Variants in ACSS3 observed in about 807,000 individuals in gnomAD.
ACSS3 encodes acyl-CoA synthetase short-chain family member 3, mitochondrial.
In ACSS3, 64 loss-of-function variants were observed where a neutral mutation model predicts 84.2. The observed-to-expected ratio is 0.76, with a 90% CI of 0.62 to 0.94. The LOEUF is 0.94. Ranked by LOEUF, ACSS3 falls within the 40% of genes least tolerant of loss-of-function variation. The pLI is 0.00. For missense variants in ACSS3, 815 were observed against 867.6 expected, an observed-to-expected ratio of 0.94 and a Z score of 0.76; for synonymous variants, 317 against 310.1, an observed-to-expected ratio of 1.02 and a Z score of -0.23.
chr12:81,204,610 G>A (rs745631610), intron 9 of ACSS3, among the ~76,000 whole-genome samples: 3 of 152,094 alleles, frequency 2.0e-5, no homozygotes, highest in African/African-American at 4.8e-5. Context: ...TACAAAGATA[G>A]AATACTCAAA....
chr12:81,205,085 A>G (rs2032288328), intron 9 of ACSS3, among the ~76,000 whole-genome samples: 1 of 152,126 alleles, frequency 6.6e-6, no homozygotes, highest in South Asian at 2.1e-4. Flanking sequence ...TTTTAATTGT[A>G]ACTGCAGTTC....
At chr12:81,123,605 C>T (rs1593089447) in intron 2 of ACSS3, among the ~76,000 whole-genome samples, 1 of 150,694 alleles carries the variant, frequency 6.6e-6, no homozygotes, top group Non-Finnish European at 1.5e-5. Flanking sequence ...TCAGTTCTCA[C>T]CCCCCTCTCA....
At position 81,212,010 on chromosome 12, in the gene ACSS3, A is replaced by T. The variant is rs370257292; in HGVS notation, c.1355-4891A>T. On this transcript the variant is annotated intron_variant, in intron 9 of 15. Transcript: ENST00000548058. ...CCTTCTCTTATATTCTTTTCCCCTA[A>T]ATATCTATGTGTCACATGTCTTCTC... is the stretch of plus-strand genomic sequence containing the variant. 9.9e-5 allele frequency among the ~76,000 whole-genome samples: 15 copies of T among 152,132 alleles called. 1 individual carries two copies. The highest frequency in any genetic ancestry group is 3.4e-4 in the African/African-American group (14 of 41,498).
intron 5 of ACSS3, among the ~76,000 whole-genome samples, chr12:81,144,168 G>A (rs1456416696): frequency 6.6e-6 from 1 of 151,764 alleles, no homozygotes; most frequent in Non-Finnish European, 1.5e-5. Context: ...TTTTTAAAAG[G>A]AAATTTAAGA....
intron 13 of ACSS3, among the ~76,000 whole-genome samples, chr12:81,248,618 T>C (rs1565743866): frequency 6.6e-6 from 1 of 151,912 alleles, no homozygotes; most frequent in Non-Finnish European, 1.5e-5. Context: ...AACAGTTAGA[T>C]AGAAGGAATA....
chr12:81,234,449 G>A (rs2033565804), intron 13 of ACSS3, among the ~76,000 whole-genome samples: 1 of 151,318 alleles, frequency 6.6e-6, no homozygotes, highest in South Asian at 2.1e-4. Context: ...TTAAGTGTAT[G>A]TTTAAGGTTA....
chr12:81,119,276 T>C (rs1415914432), intron 2 of ACSS3, among the ~76,000 whole-genome samples: 1 of 151,946 alleles, frequency 6.6e-6, no homozygotes, highest in African/African-American at 2.4e-5. Flanking sequence ...CTAATAAAGA[T>C]CACAAGGCAA....
chr12:81,142,393 C>T (rs1218623798), intron 4 of ACSS3, among the ~76,000 whole-genome samples: 1 of 152,200 alleles, frequency 6.6e-6, no homozygotes, highest in African/African-American at 2.4e-5. Context: ...TTTCACCCAT[C>T]TGGCCATTTC....
At chr12:81,154,501 A>G (rs1216997755) in intron 7 of ACSS3, among the ~76,000 whole-genome samples, 1 of 152,240 alleles carries the variant, frequency 6.6e-6, no homozygotes, top group African/African-American at 2.4e-5. Context: ...TCTACAACTT[A>G]TAAATGTCTT....
At chr12:81,149,909 G>GT (rs1423173776) in intron 5 of ACSS3, among the ~76,000 whole-genome samples, 1 of 152,076 alleles carries the variant, frequency 6.6e-6, no homozygotes, top group Non-Finnish European at 1.5e-5. Flanking sequence ...TTTCACGCAT[G>GT]TTCTCATTTT....
At chr12:81,218,523 A>AT (rs937170785) in intron 10 of ACSS3, among the ~76,000 whole-genome samples, 18 of 150,262 alleles carry the variant, frequency 1.2e-4, no homozygotes, top group South Asian at 4.2e-4. Flanking sequence ...GATACTTCAG[A>AT]TTTTTTTTTT....
intron 1 of ACSS3, among the ~76,000 whole-genome samples, chr12:81,103,976 A>G (rs919073974): frequency 6.6e-6 from 1 of 152,190 alleles, no homozygotes; most frequent in African/African-American, 2.4e-5. Flanking sequence ...TTGTTAACAT[A>G]TATGATATGA....
chr12:81,159,109 G>GGACT (rs1887024709), intron 7 of ACSS3, among the ~76,000 whole-genome samples: 1 of 151,968 alleles, frequency 6.6e-6, no homozygotes. Context: ...TTTTACAACA[G>GGACT]GACTGCATGA....
At chr12:81,253,210 T>G in intron 13 of ACSS3, 97 bp from the exon 14 acceptor site, 2 of 1,272,674 alleles carry the variant, frequency 1.6e-6, no homozygotes, top group Non-Finnish European at 2.2e-6. Flanking sequence ...TGAAATTATA[T>G]GTGTTTGTAT....
chr12:81,249,432 C>T (rs1260268857), intron 13 of ACSS3, among the ~76,000 whole-genome samples: 2 of 152,052 alleles, frequency 1.3e-5, no homozygotes, highest in Non-Finnish European at 2.9e-5. Flanking sequence ...TGTTAACATA[C>T]TGTCTTTAAA....
intron 13 of ACSS3, among the ~76,000 whole-genome samples, chr12:81,237,200 T>C (rs2033659712): frequency 6.6e-6 from 1 of 151,534 alleles, no homozygotes; most frequent in Non-Finnish European, 1.5e-5. Context: ...AAGAAGATAG[T>C]GAGCCAATCT....
intron 1 of ACSS3, chr12:81,094,352 G>A (rs1881885700): frequency 6.6e-6 from 1 of 152,062 alleles, no homozygotes; most frequent in South Asian, 2.1e-4. Flanking sequence ...TAATAACTTA[G>A]AGGACACTCA....
At chr12:81,123,016 C>A (rs1292861220) in intron 2 of ACSS3, among the ~76,000 whole-genome samples, 1 of 151,884 alleles carries the variant, frequency 6.6e-6, no homozygotes, top group African/African-American at 2.4e-5. Context: ...GTCTGGCCAC[C>A]CAACTGCTTA....
rs2034815068 is a variant in ACSS3, at chr12:81,259,938, T to C, written c.*5016T>C. The stretch of plus-strand genomic sequence containing the variant: ...AAGGTAGTTATGCAAAATGTTAGCA[T>C]GCCTTCTGAAAAATTTACAACTTGC... On this transcript the variant is annotated 3_prime_UTR_variant, in exon 16 of 16. Coordinates refer to ENST00000548058, the MANE Select transcript of ACSS3 (RefSeq NM_024560.4). 3 of 290,726 alleles carry C rather than the reference T, an allele frequency of 1.0e-5. No individual in the cohort carries two copies. The highest frequency in any genetic ancestry group is 1.3e-5 in the Non-Finnish European group (2 of 158,036). 18.0% of individuals were successfully genotyped at this position (290,726 alleles called of 1,614,324 possible).
Sources: allele counts gnomAD v4.1 joint callset (sites outside exome capture counted in the v4.1 genomes callset), GRCh38; gene constraint gnomAD v4.1.1; transcripts MANE v1.5; gene names NCBI Gene and HGNC (gene_info 2026-07-23, HGNC 2026-07-21).